TNKS: variants seen among roughly 807,000 people sequenced by gnomAD.
TNKS encodes poly [ADP-ribose] polymerase tankyrase-1.
Under a neutral mutation model 135.8 loss-of-function variants are expected in TNKS, and 72 were observed. That is an observed-to-expected ratio of 0.53 (90% CI 0.44 to 0.64). The LOEUF (loss-of-function observed/expected upper bound fraction) is 0.64. Ranked by LOEUF, TNKS falls within the 30% of genes least tolerant of loss-of-function variation. TNKS has a pLI of 0.00. For synonymous variants in TNKS, 849 were observed against 649.3 expected, an observed-to-expected ratio of 1.31 and a Z score of -4.68; for missense variants, 1,769 against 1,674.0, an observed-to-expected ratio of 1.06 and a Z score of -0.99.
chr8:9,573,774 C>T (rs1010872273), intron 1 of TNKS, among the ~76,000 whole-genome samples: 5 of 152,288 alleles, frequency 3.3e-5, no homozygotes, highest in Non-Finnish European at 5.9e-5. Flanking sequence ...GTTTTGCTGA[C>T]AGTCTAATTA....
chr8:9,655,313 G>C (rs745732314), intron 3 of TNKS, among the ~76,000 whole-genome samples: 2 of 152,182 alleles, frequency 1.3e-5, no homozygotes, highest in Non-Finnish European at 1.5e-5. Context: ...TCCACCTCTG[G>C]GGGCAGGGCA....
intron 3 of TNKS, among the ~76,000 whole-genome samples, chr8:9,638,626 T>C (rs998106734): frequency 1.3e-5 from 2 of 152,254 alleles, no homozygotes; most frequent in African/African-American, 4.8e-5. Context: ...AATATTTATG[T>C]CATTCTTTTC....
chr8:9,739,042 A>G (rs1805792157), intron 17 of TNKS, among the ~76,000 whole-genome samples: 3 of 151,534 alleles, frequency 2.0e-5, no homozygotes, highest in South Asian at 2.1e-4. Context: ...ACAAAAGACA[A>G]AATTGACAAA....
At chr8:9,592,968 T>C (rs1798641894) in intron 2 of TNKS, among the ~76,000 whole-genome samples, 1 of 152,208 alleles carries the variant, frequency 6.6e-6, no homozygotes, top group African/African-American at 2.4e-5. Context: ...TTATTCTTCA[T>C]TAGGATGGGC....
intron 2 of TNKS, among the ~76,000 whole-genome samples, chr8:9,598,705 ATGTGTGTGTG>A (rs376761155): frequency 1.8e-5 from 2 of 108,172 alleles, no homozygotes; most frequent in African/African-American, 6.8e-5. Context: ...TGTCTAAAAT[ATGTGTGTGTG>A]TGTGTGTGTG....
chr8:9,768,199 G>A (rs1807582712), intron 25 of TNKS, among the ~76,000 whole-genome samples: 1 of 152,130 alleles, frequency 6.6e-6, no homozygotes, highest in Non-Finnish European at 1.5e-5. Context: ...GCAAAAGCAT[G>A]TGACTAGTAT....
At chr8:9,691,725 T>A (rs1266760757) in intron 5 of TNKS, among the ~76,000 whole-genome samples, 1 of 152,214 alleles carries the variant, frequency 6.6e-6, no homozygotes, top group Non-Finnish European at 1.5e-5. Flanking sequence ...GCTTAGTACA[T>A]AGAAAATGCC....
chr8:9,578,948 C>G (rs58511729), intron 1 of TNKS, among the ~76,000 whole-genome samples: 11,099 of 152,154 alleles, frequency 0.073, 1,353 homozygotes, highest in African/African-American at 0.25. Context: ...TTTAATATTA[C>G]CAATGGCCAT....
chr8:9,730,978 T>C lies in TNKS; in HGVS notation c.2090T>C (p.Val697Ala), dbSNP rs1279533505. The change falls in exon 14 of 27, where the codon GTG becomes GCG. Residue 697 changes from valine (V) to alanine (A), a missense_variant. By Grantham distance (64) the Val-to-Ala change is moderately conservative. Transcript: ENST00000310430. ...CACTTCGCAGCAGGCTACAACCGCG[T>C]GTCTGTTGTAGAGTACCTGCTACAC... ...PLHFAAGYNR[V>A]SVVEYLLHHG... 6.2e-7 allele frequency: 1 copy of C among 1,614,064 alleles called. No individual in the cohort carries two copies. The highest frequency in any genetic ancestry group is 1.7e-5 in the Admixed American group (1 of 59,998).
intron 11 of TNKS, among the ~76,000 whole-genome samples, chr8:9,716,628 G>C (rs1025528974): frequency 6.6e-6 from 1 of 152,032 alleles, no homozygotes; most frequent in African/African-American, 2.4e-5. Flanking sequence ...GAAACTATCA[G>C]GTACTTTGGC....
intron 2 of TNKS, among the ~76,000 whole-genome samples, chr8:9,598,880 G>A (rs868087552): frequency 2.7e-5 from 4 of 147,402 alleles, no homozygotes; most frequent in Non-Finnish European, 6.0e-5. Flanking sequence ...TAGTAAGTCC[G>A]TGAGGCCTTG....
At chr8:9,595,519 G>A (rs1232763461) in intron 2 of TNKS, among the ~76,000 whole-genome samples, 6 of 151,838 alleles carry the variant, frequency 4.0e-5, no homozygotes, top group Non-Finnish European at 7.4e-5. Flanking sequence ...TGTTTTAACA[G>A]TTATTCTGTA....
Position 9,707,003 on chromosome 8 carries a change from T to C in TNKS, c.1456+6T>C. 1 of 1,561,426 alleles carries C rather than the reference T, an allele frequency of 6.4e-7. No individual in the cohort carries two copies. Among genetic ancestry groups the C allele is most frequent in the Non-Finnish European group, 8.7e-7 (1 of 1,154,490 alleles). On this transcript the variant is annotated splice_donor_region_variant and intron_variant, in intron 8 of 26. Transcript: ENST00000310430. ...GCTTAGGGAGAGATTGACTTGTACG[T>C]ATTTATATCCCGAAATCATTATCGC...
intron 17 of TNKS, among the ~76,000 whole-genome samples, chr8:9,745,508 G>C (rs1374494382): frequency 6.6e-6 from 1 of 152,070 alleles, no homozygotes; most frequent in Admixed American, 6.6e-5. Flanking sequence ...AGATTCAAGC[G>C]ATTCTCCTGC....
chr8:9,674,041 C>G (rs1191432148), intron 3 of TNKS, among the ~76,000 whole-genome samples: 1 of 152,162 alleles, frequency 6.6e-6, no homozygotes, highest in Non-Finnish European at 1.5e-5. Flanking sequence ...TAACTGCTTA[C>G]TCTACAATTT....
chr8:9,731,596 C>G (rs191554505), intron 14 of TNKS, among the ~76,000 whole-genome samples: 7 of 151,610 alleles, frequency 4.6e-5, no homozygotes, highest in African/African-American at 1.7e-4. Context: ...AATGCATAGA[C>G]TTGTGTGTGT....
At chr8:9,589,399 C>G (rs1305426777) in intron 2 of TNKS, among the ~76,000 whole-genome samples, 2 of 152,180 alleles carry the variant, frequency 1.3e-5, no homozygotes, top group Admixed American at 6.5e-5. Context: ...AAGTTGGAGA[C>G]AGAAACACAC....
rs1233104188 is a variant in TNKS at position 9,730,910 on chromosome 8, T to A, written c.2022T>A (p.Asn674Lys). ...GAAAGCAACTTTGCAGCTCTCAAAA[T>A]GTGAATTGTAGAGACTTAGAGGGCC... ...ETVKQLCSSQ[N>K]VNCRDLEGRH... Residue 674 changes from asparagine (N) to lysine (K), a missense_variant, in exon 14 of 27, where the codon AAT becomes AAA. Physicochemically the swap from Asn to Lys is moderately conservative, Grantham distance 94 (BLOSUM62 0). This residue lies in a region of TNKS where 523 missense variants were observed against 541.0 expected (regional missense o/e 0.97). Transcript: ENST00000310430. 1 of 1,613,124 alleles carries A rather than the reference T, an allele frequency of 6.2e-7. No homozygotes were observed. The highest frequency in any genetic ancestry group is 8.5e-7 in the Non-Finnish European group (1 of 1,179,666).
intron 3 of TNKS, among the ~76,000 whole-genome samples, chr8:9,672,691 C>A (rs1288276196): frequency 7.3e-4 from 85 of 115,836 alleles, no homozygotes; most frequent in African/African-American, 2.5e-3. Context: ...TACACACACA[C>A]ACACACACAC....
Sources: allele counts gnomAD v4.1 joint callset (sites outside exome capture counted in the v4.1 genomes callset), GRCh38; gene constraint gnomAD v4.1.1; regional missense constraint gnomAD v4.1.1; transcripts MANE v1.5; gene names NCBI Gene and HGNC (gene_info 2026-07-23, HGNC 2026-07-21).